GRIP1: variants seen among roughly 807,000 people sequenced by gnomAD.
GRIP1 encodes the protein glutamate receptor-interacting protein 1.
A neutral mutation model predicts 129.9 loss-of-function variants in GRIP1; 45 were observed. The observed-to-expected ratio is 0.35, with a 90% CI of 0.27 to 0.44. The LOEUF is 0.44. GRIP1 is among the 20% of genes least tolerant of loss of function. The pLI, the probability that GRIP1 is intolerant of heterozygous loss-of-function variation, is 1.00. For missense variants in GRIP1, 1,196 were observed against 1,396.8 expected (o/e 0.86, Z 2.29); for synonymous variants, 530 against 520.8 (o/e 1.02, Z -0.24).
intron 23 of GRIP1, among the ~76,000 whole-genome samples, chr12:66,370,159 A>G (rs1173743437): frequency 6.6e-6 from 1 of 152,094 alleles, no homozygotes; most frequent in African/African-American, 2.4e-5. Flanking sequence ...CATAGTCAAC[A>G]TCTACTTCTA....
chr12:67,045,370 C>G (rs899775129), intron 1 of GRIP1, among the ~76,000 whole-genome samples: 2 of 152,070 alleles, frequency 1.3e-5, no homozygotes, highest in Admixed American at 6.6e-5. Context: ...TCCTGATCAC[C>G]CTGTTACTCA....
chr12:66,964,538 T>C (rs1321262966), intron 1 of GRIP1, among the ~76,000 whole-genome samples: 1 of 152,118 alleles, frequency 6.6e-6, no homozygotes, highest in East Asian at 1.9e-4. Flanking sequence ...ATTCTCCTCC[T>C]TCTACTTAAA....
chr12:66,720,025 T>C (rs898253536), intron 1 of GRIP1, among the ~76,000 whole-genome samples: 1 of 152,170 alleles, frequency 6.6e-6, no homozygotes, highest in Admixed American at 6.6e-5. Context: ...ATAGCATCTA[T>C]AAACAAATTA....
At chr12:66,485,151 G>A (rs565867638) in intron 7 of GRIP1, among the ~76,000 whole-genome samples, 1 of 152,236 alleles carries the variant, frequency 6.6e-6, no homozygotes, top group East Asian at 1.9e-4. Context: ...CACCAGAAGG[G>A]AATGAGAATT....
At chr12:66,873,268 A>G (rs1469451657) in intron 1 of GRIP1, among the ~76,000 whole-genome samples, 2 of 152,080 alleles carry the variant, frequency 1.3e-5, no homozygotes, top group African/African-American at 4.8e-5. Flanking sequence ...AGGGAATTCA[A>G]AAGGAAAGGA....
intron 4 of GRIP1, among the ~76,000 whole-genome samples, chr12:66,531,172 G>A (rs2061431562): frequency 6.7e-6 from 1 of 149,102 alleles, no homozygotes; most frequent in South Asian, 2.1e-4. Context: ...GGGGGCGGAG[G>A]TTGCAGTGAG....
At position 66,991,197 on chromosome 12, in the gene GRIP1, C is replaced by T. The variant is rs927938967; in HGVS notation, c.58+77853G>A. Among the ~76,000 whole-genome samples the T allele has an allele frequency of 1.3e-4, 19 of 151,942 alleles. 1 individual carries two copies. Among genetic ancestry groups the T allele is most frequent in the Admixed American group, 1.1e-3 (17 of 15,256 alleles). On this transcript the variant is annotated intron_variant, in intron 1 of 1. Transcript: ENST00000643019. ...CTGAGACAGGAGAATGGCATGAACC[C>T]GGGAGGCAGAGCTTGCAGTGAGCCG... is the stretch of plus-strand genomic sequence containing the variant.
At chr12:66,558,060 A>G (rs540819098) in intron 2 of GRIP1, among the ~76,000 whole-genome samples, 1 of 152,278 alleles carries the variant, frequency 6.6e-6, no homozygotes, top group South Asian at 2.1e-4. Context: ...AAATTGATAA[A>G]CCTTTAGCCA....
At chr12:66,815,239 T>C (rs995933983) in intron 1 of GRIP1, among the ~76,000 whole-genome samples, 3 of 152,160 alleles carry the variant, frequency 2.0e-5, no homozygotes, top group Non-Finnish European at 1.5e-5. Context: ...GTGACTCTCA[T>C]GGATGAGGGT....
chr12:66,774,776 A>G (rs1327168142), intron 1 of GRIP1, among the ~76,000 whole-genome samples: 1 of 152,220 alleles, frequency 6.6e-6, no homozygotes, highest in African/African-American at 2.4e-5. Flanking sequence ...AGTGCTTTAG[A>G]TACACTGGCA....
At chr12:66,740,525 C>G (rs542276396) in intron 1 of GRIP1, among the ~76,000 whole-genome samples, 1 of 152,296 alleles carries the variant, frequency 6.6e-6, no homozygotes, top group Non-Finnish European at 1.5e-5. Context: ...TGAGTTCTAA[C>G]GCCAAAAGTG....
At chr12:66,978,631 C>T (rs140959623) in intron 1 of GRIP1, among the ~76,000 whole-genome samples, 99 of 152,280 alleles carry the variant, frequency 6.5e-4, no homozygotes, top group African/African-American at 2.3e-3. Context: ...CTCAGATTAG[C>T]TGTCTTCTTT....
chr12:66,418,431 G>A (rs1360092889), intron 15 of GRIP1, among the ~76,000 whole-genome samples: 1 of 151,888 alleles, frequency 6.6e-6, no homozygotes, highest in African/African-American at 2.4e-5. Flanking sequence ...AAGCAAAATG[G>A]ACAAATGGGA....
intron 7 of GRIP1, among the ~76,000 whole-genome samples, chr12:66,508,895 C>A (rs1232064329): frequency 6.6e-6 from 1 of 152,062 alleles, no homozygotes; most frequent in Non-Finnish European, 1.5e-5. Flanking sequence ...TTTAAAAATC[C>A]AGAGCAAGTT....
rs539948488 is a variant in GRIP1, at chr12:66,698,551, C to T, written c.-419-68215G>A. ...TATTTCCTATTTGTCAGTTTGGCCA[C>T]CAACCCGCAAGTCTCCTAGGCTAGA... On this transcript the variant is annotated intron_variant, in intron 1 of 4. Coordinates refer to the GRIP1 transcript ENST00000538373. Among the ~76,000 whole-genome samples, 4 of 152,306 alleles carry T rather than the reference C, an allele frequency of 2.6e-5. No individual in the cohort carries two copies. In the South Asian group the frequency reaches 8.3e-4, roughly 32 times the overall value.
At chr12:66,349,692 G>A (rs2054133229) in intron 24 of GRIP1, among the ~76,000 whole-genome samples, 1 of 152,176 alleles carries the variant, frequency 6.6e-6, no homozygotes, top group African/African-American at 2.4e-5. Context: ...TCTCCCACAA[G>A]CGAGCTCCAC....
intron 1 of GRIP1, among the ~76,000 whole-genome samples, chr12:67,026,049 G>C (rs1348498980): frequency 6.6e-6 from 1 of 152,072 alleles, no homozygotes; most frequent in African/African-American, 2.4e-5. Flanking sequence ...CAATTAGGAG[G>C]TTAACTCCCT....
intron 1 of GRIP1, among the ~76,000 whole-genome samples, chr12:66,702,736 C>T (rs1358513850): frequency 1.3e-5 from 2 of 152,128 alleles, no homozygotes; most frequent in Non-Finnish European, 2.9e-5. Context: ...AAGGAAACGT[C>T]TCTCTGGTAC....
intron 1 of GRIP1, among the ~76,000 whole-genome samples, chr12:67,003,512 T>G (rs1197856916): frequency 6.6e-6 from 1 of 151,862 alleles, no homozygotes; most frequent in Non-Finnish European, 1.5e-5. Context: ...AGCAACGTGG[T>G]GAAATCCCAT....
Sources: gnomAD v4.1 joint callset for allele counts (sites outside exome capture counted in the v4.1 genomes callset) on GRCh38, gnomAD v4.1.1 for gene constraint, MANE v1.5 for transcripts, NCBI Gene and HGNC (gene_info 2026-07-23, HGNC 2026-07-21) for gene names.